The following SSPN variants were observed in gnomAD, a reference collection of about 807,000 sequenced individuals.
SSPN encodes sarcospan.
Under a neutral mutation model 19.1 loss-of-function variants are expected in SSPN, and 15 were observed. The observed-to-expected ratio is 0.78, with a 90% CI of 0.52 to 1.21. The LOEUF is 1.21. Among genes scored for constraint, SSPN ranks in the 50% most tolerant of loss-of-function variants. The probability of loss-of-function intolerance (pLI) is 0.00; values close to 1 mark genes in which losing one functional copy is unlikely to be tolerated. For missense variants in SSPN, 291 were observed against 314.0 expected (o/e 0.93, Z 0.55); for synonymous variants, 147 against 140.3 (o/e 1.05, Z -0.34).
intron 1 of SSPN, among the ~76,000 whole-genome samples, chr12:26,202,680 G>C (rs553931401): frequency 6.6e-6 from 1 of 152,272 alleles, no homozygotes; most frequent in African/African-American, 2.4e-5. Flanking sequence ...TTCTAGATTT[G>C]CTCTTGCCTT....
chr12:26,184,723 G>A (rs1944740998), intron 1 of SSPN, among the ~76,000 whole-genome samples: 1 of 152,038 alleles, frequency 6.6e-6, no homozygotes, highest in Non-Finnish European at 1.5e-5. Context: ...CATCCACAGA[G>A]GAAAGACTAT....
intron 1 of SSPN, among the ~76,000 whole-genome samples, chr12:26,207,070 G>A (rs540295975): frequency 1.3e-5 from 2 of 152,260 alleles, no homozygotes; most frequent in African/African-American, 4.8e-5. Flanking sequence ...AGAACATGAT[G>A]AACCCTCAGG....
At position 26,224,360 on chromosome 12, in the gene SSPN, G is replaced by A. The variant is rs1450176229; in HGVS notation, c.347G>A (p.Cys116Tyr). ...TCATATCAGGTTGACGAACGGACAT[G>A]TATTCAATTTTCTATGAAAGTAAGT... is the stretch of plus-strand genomic sequence containing the variant. ...CVSYQVDERT[C>Y]IQFSMKLLYF... The change falls in exon 2 of 3, where the codon TGT becomes TAT. Residue 116 changes from cysteine to tyrosine, a missense_variant. Physicochemically the swap from Cys to Tyr is radical, Grantham distance 194 (BLOSUM62 -2). This residue lies in a region of SSPN where 141 missense variants were observed against 166.7 expected (regional missense o/e 0.85). Transcript: ENST00000242729. 1.2e-6 allele frequency: 2 copies of A among 1,613,442 alleles called. No individual in the cohort carries two copies. The highest frequency in any genetic ancestry group is 2.2e-5 in the East Asian group (1 of 44,868).
At chr12:26,150,078 AC>A (rs768227251) in intron 1 of SSPN, among the ~76,000 whole-genome samples, 14 of 152,204 alleles carry the variant, frequency 9.2e-5, no homozygotes, top group Non-Finnish European at 2.9e-5. Flanking sequence ...CCGACTGAAC[AC>A]CATCCTAACC....
At chr12:26,228,373 C>CAAA (rs35945808) in intron 2 of SSPN, among the ~76,000 whole-genome samples, 1 of 115,644 alleles carries the variant, frequency 8.6e-6, no homozygotes, top group Non-Finnish European at 1.9e-5. Context: ...CACTCTGTCT[C>CAAA]AAAAAAAAAA....
At chr12:26,122,522 TCCGCCGAACGC>T (rs1944319267) in intron 1 of SSPN, 1 of 1,278,020 alleles carries the variant, frequency 7.8e-7, no homozygotes, top group African/African-American at 1.6e-5. Context: ...CGCCTCCGCC[TCCGCCGAACGC>T]CACCAGCGAG....
intron 1 of SSPN, among the ~76,000 whole-genome samples, chr12:26,154,415 T>G (rs1024256933): frequency 1.9e-4 from 29 of 152,162 alleles, no homozygotes; most frequent in African/African-American, 6.5e-4. Flanking sequence ...TGCATTAGAG[T>G]ATGACACCTG....
Position 26,122,315 on chromosome 12 carries a change from T to G in SSPN, c.-31+163T>G, listed in dbSNP as rs1457701927. 1.5e-5 allele frequency: 17 copies of G among 1,142,126 alleles called. No individual in the cohort carries two copies. The South Asian group carries it at 3.1e-4, about 21-fold the overall frequency. The allele number at this position is 1,142,126 out of a possible 1,614,324, so 70.7% of individuals were successfully genotyped here. On this transcript the variant is annotated intron_variant, in intron 1 of 2. Transcript: ENST00000538142. ...CGGCGGCGGCAGCGGCGGCGGCGGC[T>G]GCCGCGGCTGCCGCCGGGGCGGGGA... is the stretch of plus-strand genomic sequence containing the variant.
chr12:26,173,982 G>C (rs1047584127), intron 1 of SSPN, among the ~76,000 whole-genome samples: 4 of 152,116 alleles, frequency 2.6e-5, no homozygotes, highest in African/African-American at 9.7e-5. Flanking sequence ...TGATACATGA[G>C]ATTTCTATAT....
At chr12:26,137,623 T>G (rs1944433356) in intron 1 of SSPN, among the ~76,000 whole-genome samples, 1 of 97,794 alleles carries the variant, frequency 1.0e-5, no homozygotes, top group African/African-American at 4.2e-5. Context: ...TATATATGTG[T>G]GTGTGTGTGT....
rs146741959 is a variant in SSPN at position 26,174,572 on chromosome 12, G to A, written c.-30-49721G>A. On this transcript the variant is annotated intron_variant, in intron 1 of 2. Coordinates refer to the SSPN transcript ENST00000538142. Reference sequence around the variant, plus strand: ...ATCTCACTCTATTGCCCATGCTGGAGTGCAGTGACAAAATCCCAGCTCGCT... The same window carrying A: ...ATCTCACTCTATTGCCCATGCTGGAATGCAGTGACAAAATCCCAGCTCGCT... Among the ~76,000 whole-genome samples, 606 of 137,008 alleles carry A rather than the reference G, an allele frequency of 4.4e-3. 2 individuals carry two copies. The highest frequency in any genetic ancestry group is 0.017 in the African/African-American group (574 of 34,210). The allele number at this position is 137,008 out of a possible 152,430, so 89.9% of individuals were successfully genotyped here.
At chr12:26,172,944 A>G (rs1225683790) in intron 1 of SSPN, among the ~76,000 whole-genome samples, 2 of 152,184 alleles carry the variant, frequency 1.3e-5, no homozygotes, top group African/African-American at 4.8e-5. Context: ...TTTTATAGAT[A>G]CAATATCTTT....
chr12:26,135,606 C>T (rs1944420870), intron 1 of SSPN, among the ~76,000 whole-genome samples: 2 of 152,232 alleles, frequency 1.3e-5, no homozygotes, highest in African/African-American at 2.4e-5. Flanking sequence ...CCCTCACCCT[C>T]AAGCCAACTT....
intron 1 of SSPN, chr12:26,123,670 T>A: frequency 6.2e-7 from 1 of 1,614,140 alleles, no homozygotes; most frequent in Non-Finnish European, 8.5e-7. Context: ...GTTGCTCGGT[T>A]AAGGCGGTTA....
chr12:26,129,030 G>A (rs530812248), intron 1 of SSPN, among the ~76,000 whole-genome samples: 1 of 152,196 alleles, frequency 6.6e-6, no homozygotes, highest in South Asian at 2.1e-4. Flanking sequence ...AGTTTCCATG[G>A]GGAATAGAGG....
chr12:26,141,866 A>G (rs1454691079), intron 1 of SSPN, among the ~76,000 whole-genome samples: 1 of 152,216 alleles, frequency 6.6e-6, no homozygotes. Context: ...AGAGAAGATG[A>G]GTAAAGCAAT....
intron 1 of SSPN, among the ~76,000 whole-genome samples, chr12:26,201,959 T>A (rs904232642): frequency 6.6e-6 from 1 of 152,178 alleles, no homozygotes; most frequent in Non-Finnish European, 1.5e-5. Context: ...CAGTCATCCC[T>A]TAGTATCTGC....
intron 1 of SSPN, among the ~76,000 whole-genome samples, chr12:26,160,845 C>T (rs557171808): frequency 6.6e-6 from 1 of 152,154 alleles, no homozygotes; most frequent in Non-Finnish European, 1.5e-5. Flanking sequence ...TGGTGGCTCA[C>T]GCCTGCAATC....
intron 1 of SSPN, among the ~76,000 whole-genome samples, chr12:26,205,973 G>A (rs1944927637): frequency 1.3e-5 from 2 of 152,278 alleles, no homozygotes; most frequent in South Asian, 4.1e-4. Flanking sequence ...TGCATTAAGG[G>A]CTTGAGACCA....
Sources: gnomAD v4.1 joint callset for allele counts (sites outside exome capture counted in the v4.1 genomes callset) on GRCh38, gnomAD v4.1.1 for gene constraint, gnomAD v4.1.1 regional missense constraint, MANE v1.5 for transcripts, NCBI Gene and HGNC (gene_info 2026-07-23, HGNC 2026-07-21) for gene names.